The following TSPAN13 variants were observed in gnomAD, a reference collection of about 807,000 sequenced individuals.
TSPAN13 encodes the protein tetraspanin 13, also known as tetraspanin-13.
TSPAN13 carries 18 observed loss-of-function variants against 26.9 expected under a neutral mutation model. The observed-to-expected ratio is 0.67, with a 90% CI of 0.46 to 0.99. TSPAN13 has a LOEUF of 0.99. TSPAN13 is among the 50% of genes least tolerant of loss of function. TSPAN13 has a pLI of 0.00. For missense variants in TSPAN13, 201 were observed against 249.6 expected, an observed-to-expected ratio of 0.81 and a Z score of 1.31; for synonymous variants, 116 against 98.4, an observed-to-expected ratio of 1.18 and a Z score of -1.06.
intron 5 of TSPAN13, among the ~76,000 whole-genome samples, chr7:16,779,947 A>G (rs996223555): frequency 1.3e-5 from 2 of 150,786 alleles, no homozygotes; most frequent in African/African-American, 4.9e-5. Flanking sequence ...AATTTTTTGT[A>G]TTTTTAGTAG....
At chr7:16,779,873 G>A (rs569992126) in intron 5 of TSPAN13, among the ~76,000 whole-genome samples, 14 of 151,332 alleles carry the variant, frequency 9.3e-5, no homozygotes, top group African/African-American at 3.2e-4. Context: ...CCGGGTTCAC[G>A]CTATTCTCCT....
intron 5 of TSPAN13, among the ~76,000 whole-genome samples, chr7:16,781,749 C>T (rs1784815804): frequency 6.6e-6 from 1 of 152,160 alleles, no homozygotes; most frequent in Admixed American, 6.5e-5. Flanking sequence ...CTCAAAAATT[C>T]TGACCAGAAG....
chr7:16,771,906 G>A (rs775116864), intron 1 of TSPAN13, among the ~76,000 whole-genome samples: 2 of 152,116 alleles, frequency 1.3e-5, no homozygotes, highest in African/African-American at 4.8e-5. Context: ...TTATGTAGAA[G>A]GAAGCAGCCT....
At chr7:16,776,947 ACTT>A (rs1231164646) in intron 2 of TSPAN13, 92 bp from the exon 3 acceptor site, 3 of 717,588 alleles carry the variant, frequency 4.2e-6, no homozygotes, top group Non-Finnish European at 7.0e-6. Context: ...TGGGTTAATT[ACTT>A]CTTGTGCATT....
At chr7:16,771,276 T>C (rs2054212613) in intron 1 of TSPAN13, among the ~76,000 whole-genome samples, 1 of 152,260 alleles carries the variant, frequency 6.6e-6, no homozygotes, top group African/African-American at 2.4e-5. Flanking sequence ...AAAATATTTG[T>C]AGCTGAAAGG....
At chr7:16,774,563 T>G (rs1211006888) in intron 1 of TSPAN13, among the ~76,000 whole-genome samples, 1 of 152,184 alleles carries the variant, frequency 6.6e-6, no homozygotes, top group African/African-American at 2.4e-5. Flanking sequence ...TTTTTCTCAG[T>G]CCAAGACTGT....
At chr7:16,761,267 G>A (rs1784538084) in intron 1 of TSPAN13, among the ~76,000 whole-genome samples, 1 of 152,172 alleles carries the variant, frequency 6.6e-6, no homozygotes, top group Non-Finnish European at 1.5e-5. Context: ...TTTGAAGAAT[G>A]ATCATAAAGC....
rs185935450 is a variant in TSPAN13, at chr7:16,775,466, T to C, written c.64-745T>C. On this transcript the variant is annotated intron_variant, in intron 1 of 5. Coordinates refer to ENST00000262067, the MANE Select transcript of TSPAN13 (RefSeq NM_014399.4). The stretch of plus-strand genomic sequence containing the variant: ...GTCTCTTACATTCTTTTTATTCTGC[T>C]AAAAGTTTTAATGATCTCTCTATAT... Among the ~76,000 whole-genome samples, 16 of 152,366 alleles carry C rather than the reference T, an allele frequency of 1.1e-4. No individual in the cohort carries two copies. The East Asian group carries it at 3.1e-3, about 29-fold the overall frequency.
At chr7:16,763,886 T>G (rs1784577233) in intron 1 of TSPAN13, among the ~76,000 whole-genome samples, 1 of 152,244 alleles carries the variant, frequency 6.6e-6, no homozygotes, top group Non-Finnish European at 1.5e-5. Flanking sequence ...CTTCCCCAGT[T>G]CTTCTGTTCT....
Position 16,776,408 on chromosome 7 carries a change from C to G in TSPAN13, c.231+30C>G, listed in dbSNP as rs372430278. ...CCTTTTTAAAAATCAAGATTTTACT[C>G]TTGATGACTATTTTGATGGTTACAA... On this transcript the variant is annotated intron_variant, in intron 2 of 5. Coordinates refer to ENST00000262067, the MANE Select transcript of TSPAN13 (RefSeq NM_014399.4). The G allele has an allele frequency of 1.4e-4, 226 of 1,594,414 alleles. No individual in the cohort carries two copies. The African/African-American group carries it at 1.4e-3, about 10-fold the overall frequency.
intron 1 of TSPAN13, among the ~76,000 whole-genome samples, chr7:16,762,917 T>C (rs1784561219): frequency 6.6e-6 from 1 of 152,164 alleles, no homozygotes; most frequent in Non-Finnish European, 1.5e-5. Flanking sequence ...GTGAATATAC[T>C]TAAAGTATAA....
intron 1 of TSPAN13, among the ~76,000 whole-genome samples, chr7:16,761,589 C>T (rs572091668): frequency 6.6e-6 from 1 of 152,038 alleles, no homozygotes; most frequent in African/African-American, 2.4e-5. Context: ...GTGATGATAG[C>T]TTACTGCAGC....
intron 1 of TSPAN13, among the ~76,000 whole-genome samples, chr7:16,755,544 T>G (rs897816824): frequency 6.6e-6 from 1 of 150,548 alleles, no homozygotes; most frequent in African/African-American, 2.4e-5. Flanking sequence ...CTCTAGGGTT[T>G]TTTTTTTTTT....
intron 1 of TSPAN13, among the ~76,000 whole-genome samples, chr7:16,755,644 A>AT (rs1784474329): frequency 6.7e-6 from 1 of 148,650 alleles, no homozygotes; most frequent in Non-Finnish European, 1.5e-5. Context: ...TGATTTAGTC[A>AT]TCTGTTTGCC....
rs1425469761 is a variant in TSPAN13 at position 16,783,704 on chromosome 7, G to A, written c.*213G>A. On this transcript the variant is annotated 3_prime_UTR_variant, in exon 6 of 6. Coordinates refer to ENST00000262067, the MANE Select transcript of TSPAN13 (RefSeq NM_014399.4). Reference sequence around the variant, plus strand: ...TTGAAACTTGTGGTCTCTGAAGCTCGGTGGCACCTGGAATTTACTGTATTC... The same window carrying A: ...TTGAAACTTGTGGTCTCTGAAGCTCAGTGGCACCTGGAATTTACTGTATTC... 1.8e-6 allele frequency: 1 copy of A among 555,218 alleles called. No homozygotes were observed. Among genetic ancestry groups the A allele is most frequent in the South Asian group, 2.5e-5 (1 of 40,344 alleles). 34.4% of individuals were successfully genotyped at this position (555,218 alleles called of 1,614,324 possible).
chr7:16,760,193 T>C (rs1784527146), intron 1 of TSPAN13, among the ~76,000 whole-genome samples: 1 of 152,196 alleles, frequency 6.6e-6, no homozygotes, highest in Non-Finnish European at 1.5e-5. Flanking sequence ...CTGATTTTTA[T>C]GTAAAAGGCT....
intron 1 of TSPAN13, among the ~76,000 whole-genome samples, chr7:16,771,459 G>C (rs60235307): frequency 0.034 from 5,240 of 152,282 alleles, 312 homozygotes; most frequent in African/African-American, 0.12. Context: ...GAGATGGGGA[G>C]ATTATTCTGG....
At chr7:16,777,157 C>T (rs1296120927) in intron 3 of TSPAN13, 35 bp downstream of exon 3, 1 of 1,440,076 alleles carries the variant, frequency 6.9e-7, no homozygotes, top group Non-Finnish European at 9.8e-7. Context: ...CTTTATTATA[C>T]CACATAGCAT....
rs527898158 is a variant in TSPAN13, at chr7:16,766,725, T to C, written c.64-9486T>C. ...GATTTAAGTAGCTGGGTTTGGGAGATAGTGGGAGCTAAGGCTGAATGAGGA... is the reference window on the plus strand; with the variant it reads ...GATTTAAGTAGCTGGGTTTGGGAGACAGTGGGAGCTAAGGCTGAATGAGGA... On this transcript the variant is annotated intron_variant, in intron 1 of 5. Coordinates refer to ENST00000262067, the MANE Select transcript of TSPAN13 (RefSeq NM_014399.4). Among the ~76,000 whole-genome samples, 16 of 152,198 alleles carry C rather than the reference T, an allele frequency of 1.1e-4. No homozygotes were observed. In the South Asian group the frequency reaches 2.1e-3, roughly 20 times the overall value.
Sources: gnomAD v4.1 joint callset for allele counts (sites outside exome capture counted in the v4.1 genomes callset) on GRCh38, gnomAD v4.1.1 for gene constraint, MANE v1.5 for transcripts, NCBI Gene and HGNC (gene_info 2026-07-23, HGNC 2026-07-21) for gene names.